The following PTPRD variants were observed in gnomAD, a reference collection of about 807,000 sequenced individuals.
PTPRD encodes the protein receptor-type tyrosine-protein phosphatase delta.
Under a neutral mutation model 214.5 loss-of-function variants are expected in PTPRD, and 34 were observed. That is an observed-to-expected ratio of 0.16 (90% CI 0.12 to 0.21). The LOEUF (loss-of-function observed/expected upper bound fraction) is 0.21. PTPRD is among the 10% of genes least tolerant of loss of function. PTPRD has a pLI of 1.00. For synonymous variants in PTPRD, 1,128 were observed against 845.7 expected, an observed-to-expected ratio of 1.33 and a Z score of -5.79; for missense variants, 2,545 against 2,398.7, an observed-to-expected ratio of 1.06 and a Z score of -1.27.
chr9:9,659,142 A>T (rs2096576086), intron 7 of PTPRD, among the ~76,000 whole-genome samples: 1 of 152,136 alleles, frequency 6.6e-6, no homozygotes, highest in South Asian at 2.1e-4. Flanking sequence ...ATATATTAGT[A>T]TTCAACTTGC....
At chr9:8,322,354 G>C (rs946609591) in intron 44 of PTPRD, among the ~76,000 whole-genome samples, 1 of 152,180 alleles carries the variant, frequency 6.6e-6, no homozygotes, top group Non-Finnish European at 1.5e-5. Context: ...AAACAGCCTA[G>C]TTGTGAATGC....
intron 10 of PTPRD, among the ~76,000 whole-genome samples, chr9:9,142,596 T>C (rs956604597): frequency 3.3e-5 from 5 of 152,226 alleles, no homozygotes; most frequent in African/African-American, 1.2e-4. Context: ...ATAGTGTTCA[T>C]TGCATGTTTA....
rs531346163 is a variant in PTPRD, at chr9:10,563,393, A to G, written c.-600+49005T>C. On this transcript the variant is annotated intron_variant, in intron 2 of 45. Coordinates refer to ENST00000381196, the MANE Select transcript of PTPRD (RefSeq NM_002839.4). The stretch of plus-strand genomic sequence containing the variant: ...AAAAGAGACAGAAAACTATCCAGCC[A>G]TATGTACACTTGTGACACAGGCACA... 1.8e-3 allele frequency among the ~76,000 whole-genome samples: 280 copies of G among 152,292 alleles called. 1 individual carries two copies. Among genetic ancestry groups the G allele is most frequent in the African/African-American group, 6.6e-3 (275 of 41,564 alleles).
intron 2 of PTPRD, among the ~76,000 whole-genome samples, chr9:10,371,915 T>C (rs538478107): frequency 1.3e-5 from 2 of 152,212 alleles, no homozygotes; most frequent in East Asian, 1.9e-4. Flanking sequence ...TCCTGTTATG[T>C]GATCTACTTT....
chr9:8,947,341 T>C (rs1054405759), intron 11 of PTPRD, among the ~76,000 whole-genome samples: 7 of 151,488 alleles, frequency 4.6e-5, no homozygotes, highest in Non-Finnish European at 7.4e-5. Flanking sequence ...TGTGCACCTG[T>C]AGTCCCAGCT....
At chr9:9,753,055 T>G (rs775155728) in intron 6 of PTPRD, among the ~76,000 whole-genome samples, 1 of 152,104 alleles carries the variant, frequency 6.6e-6, no homozygotes, top group Admixed American at 6.6e-5. Context: ...CTTTTAAGTA[T>G]GCATTGTGAG....
At chr9:8,597,961 T>C (rs1020535631) in intron 14 of PTPRD, among the ~76,000 whole-genome samples, 1 of 152,186 alleles carries the variant, frequency 6.6e-6, no homozygotes, top group Non-Finnish European at 1.5e-5. Flanking sequence ...AAATTACAAA[T>C]GTATTAATAA....
At chr9:9,003,341 C>T (rs10977436) in intron 11 of PTPRD, among the ~76,000 whole-genome samples, 4,868 of 152,122 alleles carry the variant, frequency 0.032, 108 homozygotes, top group Non-Finnish European at 0.052. Flanking sequence ...TCTAGGCAGT[C>T]TGGCTGTTGC....
chr9:8,796,779 T>C (rs1049487630), intron 11 of PTPRD, among the ~76,000 whole-genome samples: 2 of 152,266 alleles, frequency 1.3e-5, no homozygotes, highest in Middle Eastern at 3.4e-3. Context: ...CAGGATTATG[T>C]CAAGTTCCCA....
chr9:8,631,679 T>C (rs1368753320), intron 14 of PTPRD, among the ~76,000 whole-genome samples: 2 of 151,860 alleles, frequency 1.3e-5, no homozygotes, highest in East Asian at 3.9e-4. Context: ...CTCAACTTAT[T>C]TTATATACGT....
intron 3 of PTPRD, among the ~76,000 whole-genome samples, chr9:10,039,683 A>T (rs1239030204): frequency 1.3e-5 from 2 of 151,754 alleles, no homozygotes; most frequent in East Asian, 3.9e-4. Context: ...GGGGGAAAAA[A>T]AAACAAAGGG....
intron 5 of PTPRD, among the ~76,000 whole-genome samples, chr9:9,852,001 C>T (rs2060634340): frequency 6.6e-6 from 1 of 152,110 alleles, no homozygotes; most frequent in South Asian, 2.1e-4. Flanking sequence ...TCAGATTTAA[C>T]ATGGAAATTT....
chr9:8,838,145 G>C (rs1447063511), intron 11 of PTPRD, among the ~76,000 whole-genome samples: 1 of 152,004 alleles, frequency 6.6e-6, no homozygotes, highest in Non-Finnish European at 1.5e-5. Context: ...TATGATGACT[G>C]ACTTAATCAC....
intron 8 of PTPRD, among the ~76,000 whole-genome samples, chr9:9,406,034 T>C (rs1406886158): frequency 6.6e-6 from 1 of 152,124 alleles, no homozygotes; most frequent in South Asian, 2.1e-4. Flanking sequence ...TGGATAACTT[T>C]GGTTTGGAAT....
chr9:10,560,676 C>T (rs964585128), intron 2 of PTPRD, among the ~76,000 whole-genome samples: 2 of 152,112 alleles, frequency 1.3e-5, no homozygotes, highest in Non-Finnish European at 2.9e-5. Flanking sequence ...AAATATCATA[C>T]ATCCAATCCC....
chr9:10,424,239 T>A (rs911052956), intron 2 of PTPRD, among the ~76,000 whole-genome samples: 1 of 151,790 alleles, frequency 6.6e-6, no homozygotes, highest in Admixed American at 6.6e-5. Flanking sequence ...GTAGAATGAT[T>A]AATAAGCATT....
chr9:9,372,946 A>T (rs2059911409), intron 9 of PTPRD, among the ~76,000 whole-genome samples: 1 of 152,064 alleles, frequency 6.6e-6, no homozygotes, highest in African/African-American at 2.4e-5. Flanking sequence ...CATTTTGAGA[A>T]ACCTTTTAAT....
chr9:8,605,797 A>G (rs559729792), intron 14 of PTPRD, among the ~76,000 whole-genome samples: 23 of 152,094 alleles, frequency 1.5e-4, no homozygotes, highest in African/African-American at 4.1e-4. Context: ...GCTCATCTCT[A>G]TGGAAGTTGG....
At chr9:10,554,670 G>C (rs1175631490) in intron 2 of PTPRD, among the ~76,000 whole-genome samples, 3 of 150,722 alleles carry the variant, frequency 2.0e-5, no homozygotes, top group South Asian at 4.2e-4. Flanking sequence ...TTTTGTTTTT[G>C]TTTTTTTCAA....
Sources: gnomAD v4.1 joint callset for allele counts (sites outside exome capture counted in the v4.1 genomes callset) on GRCh38, gnomAD v4.1.1 for gene constraint, MANE v1.5 for transcripts, NCBI Gene and HGNC (gene_info 2026-07-23, HGNC 2026-07-21) for gene names.